Variants in UNC80 observed in about 807,000 individuals in gnomAD.
UNC80 encodes protein unc-80 homolog.
A neutral mutation model predicts 384.6 loss-of-function variants in UNC80; 164 were observed. The observed-to-expected ratio is 0.43, with a 90% CI of 0.38 to 0.49. UNC80 has a LOEUF of 0.49. UNC80 is among the 20% of genes least tolerant of loss of function. The pLI, the probability that UNC80 is intolerant of heterozygous loss-of-function variation, is 0.00. For synonymous variants in UNC80, 1,486 were observed against 1,527.8 expected, an observed-to-expected ratio of 0.97 and a Z score of 0.64; for missense variants, 3,330 against 4,143.0, an observed-to-expected ratio of 0.80 and a Z score of 5.39.
Position 209,976,154 on chromosome 2 carries a change from C to G in UNC80, c.8623C>G (p.Leu2875Val). 1 of 1,551,602 alleles carries G rather than the reference C, an allele frequency of 6.4e-7. No homozygotes were observed. Among genetic ancestry groups the G allele is most frequent in the Non-Finnish European group, 8.7e-7 (1 of 1,146,968 alleles). ...KVILVCFERQ[L>V]GSQWYWLSLQ... ...GATTCTCGTCTGCTTTGAGAGGCAG[C>G]TCGGAAGCCAGTGGTACTGGCTGAG... The change falls in exon 57 of 65, where the codon CTC becomes GTC. Residue 2875 changes from leucine (L) to valine (V), a missense_variant. Leu to Val is a conservative substitution (Grantham distance 32, BLOSUM62 1). Around this residue, in one of 8 missense-constraint regions of UNC80, gnomAD observed 1,049 missense variants for 1,488.6 expected, o/e 0.70. Coordinates refer to ENST00000673920, the MANE Select transcript of UNC80 (RefSeq NM_001371986.1). This position sits in a 1 kb window ranked among gnomAD's most constrained non-coding sequence, Gnocchi z 4.3.
At chr2:209,797,248 A>G (rs1206631933) in intron 7 of UNC80, among the ~76,000 whole-genome samples, 1 of 152,106 alleles carries the variant, frequency 6.6e-6, no homozygotes, top group African/African-American at 2.4e-5. Context: ...CAGAACATGC[A>G]GGTTTGTTAC....
intron 35 of UNC80, 86 bp downstream of exon 35, chr2:209,922,469 C>A: frequency 9.2e-6 from 12 of 1,307,132 alleles, no homozygotes; most frequent in Middle Eastern, 2.1e-4. Flanking sequence ...CACTTGATTA[C>A]ATTGTCTTCA....
Position 209,772,065 on chromosome 2 carries a change from C to T in UNC80, c.-8C>T, listed in dbSNP as rs1330521427. On this transcript the variant is annotated 5_prime_UTR_variant, in exon 1 of 65. Coordinates refer to ENST00000673920, the MANE Select transcript of UNC80 (RefSeq NM_001371986.1). The stretch of plus-strand genomic sequence containing the variant: ...GGTCCTGCAGTAGGACTCCCGGGAG[C>T]CACCATTATGGTGAAGAGGAAGAGC... 5 of 1,547,184 alleles carry T rather than the reference C, an allele frequency of 3.2e-6. No homozygotes were observed. Among genetic ancestry groups the T allele is most frequent in the Non-Finnish European group, 4.4e-6 (5 of 1,144,304 alleles).
chr2:209,791,597 G>A (rs575071046), intron 6 of UNC80, among the ~76,000 whole-genome samples: 1 of 151,968 alleles, frequency 6.6e-6, no homozygotes, highest in Non-Finnish European at 1.5e-5. Flanking sequence ...GAGGCGGGCA[G>A]ATCACAAGGT....
rs779499410 is a variant in UNC80, at chr2:209,813,705, A to G, written c.1064A>G (p.Tyr355Cys). 8.4e-6 allele frequency: 13 copies of G among 1,551,566 alleles called. 1 individual carries two copies. The highest frequency in any genetic ancestry group is 2.7e-5 in the African/African-American group (2 of 72,988). The change falls in exon 8 of 65, where the codon TAT (tyrosine) becomes TGT (cysteine). Residue 355 changes from tyrosine (Y) to cysteine (C), a missense_variant. By Grantham distance (194) the Tyr-to-Cys change is radical. Around this residue, in one of 8 missense-constraint regions of UNC80, gnomAD observed 937 missense variants for 1,026.8 expected, o/e 0.91. Transcript: ENST00000673920. The part of the protein sequence containing the change: ...EEGTQWSLMY[Y>C]LQRLRHMLEE... ...GGCACTCAGTGGTCTCTGATGTACT[A>G]TCTACAAAGGCTGCGACACATGTTG... is the stretch of plus-strand genomic sequence containing the variant.
chr2:209,963,528 A>C (rs1267119843), intron 51 of UNC80, among the ~76,000 whole-genome samples: 1 of 152,262 alleles, frequency 6.6e-6, no homozygotes, highest in Non-Finnish European at 1.5e-5. Flanking sequence ...CAAAATAGAC[A>C]GATTGATTAT....
chr2:209,961,794 C>T (rs1444742120), intron 51 of UNC80, among the ~76,000 whole-genome samples: 1 of 152,132 alleles, frequency 6.6e-6, no homozygotes, highest in African/African-American at 2.4e-5. Flanking sequence ...CCCCTTCACT[C>T]TCTGAAGGTT....
chr2:209,926,823 G>A lies in UNC80; in HGVS notation c.5663-20G>A. On this transcript the variant is annotated intron_variant, in intron 35 of 64. Coordinates refer to ENST00000673920, the MANE Select transcript of UNC80 (RefSeq NM_001371986.1). The stretch of plus-strand genomic sequence containing the variant: ...ATTACGTTACTGAGAAAAGCACCCT[G>A]ATTTTGTCTCCCATTTTAGATGAGG... 5.8e-6 allele frequency: 9 copies of A among 1,551,712 alleles called. No homozygotes were observed. The highest frequency in any genetic ancestry group is 7.8e-6 in the Non-Finnish European group (9 of 1,146,830).
In UNC80 at chr2:209,933,890, G is replaced by A. The variant is rs756804958; in HGVS notation, c.6063G>A (p.Leu2021=). 2.6e-6 allele frequency: 4 copies of A among 1,551,400 alleles called. No homozygotes were observed. The highest frequency in any genetic ancestry group is 3.5e-6 in the Non-Finnish European group (4 of 1,146,846). The change falls in exon 39 of 65, where the codon CTG becomes CTA. Residue 2021 remains leucine, a synonymous_variant. Coordinates refer to ENST00000673920, the MANE Select transcript of UNC80 (RefSeq NM_001371986.1). ...EWGMDAISAT[L]TFLWEVVGYV... is the part of the protein sequence containing the mutation. ...GGATGGATGCCATTTCAGCCACCCTGACATTCCTGTGGGAGGTGGTGGGTT... is the reference window on the plus strand; with the variant it reads ...GGATGGATGCCATTTCAGCCACCCTAACATTCCTGTGGGAGGTGGTGGGTT...
At chr2:209,840,499 T>C in intron 19 of UNC80, 43 bp from the exon 20 acceptor site, 1 of 1,483,122 alleles carries the variant, frequency 6.7e-7, no homozygotes, top group Non-Finnish European at 9.2e-7. Flanking sequence ...ATTGATTGGA[T>C]AGAAAATGCT....
intron 21 of UNC80, chr2:209,845,113 T>G (rs1353715089): frequency 6.8e-6 from 1 of 147,360 alleles, no homozygotes; most frequent in Non-Finnish European, 1.5e-5. Context: ...GGAGGAGACA[T>G]AAGGTCTCTC....
intron 43 of UNC80, 43 bp downstream of exon 43, chr2:209,939,695 C>T: frequency 4.8e-6 from 7 of 1,470,620 alleles, no homozygotes; most frequent in Non-Finnish European, 4.5e-6. Context: ...CTTTTTCTAA[C>T]ACACTTGTTG....
At chr2:209,942,137 C>G (rs968141702) in intron 44 of UNC80, among the ~76,000 whole-genome samples, 1 of 152,068 alleles carries the variant, frequency 6.6e-6, no homozygotes, top group Non-Finnish European at 1.5e-5. Flanking sequence ...GAGCTGGAAC[C>G]CTATTGTGAA....
At chr2:209,930,752 A>G (rs1197714747) in intron 37 of UNC80, among the ~76,000 whole-genome samples, 1 of 152,198 alleles carries the variant, frequency 6.6e-6, no homozygotes, top group Non-Finnish European at 1.5e-5. Flanking sequence ...AGTGATTTTT[A>G]TGTGTTAGCT....
At chr2:209,802,708 TC>T (rs11301894) in intron 7 of UNC80, among the ~76,000 whole-genome samples, 80,545 of 151,914 alleles carry the variant, frequency 0.53, 22,260 homozygotes, top group Admixed American at 0.61. Flanking sequence ...ACATTTATTA[TC>T]TTTCGATTTT....
intron 6 of UNC80, among the ~76,000 whole-genome samples, chr2:209,791,379 T>C (rs370467002): frequency 2.0e-5 from 3 of 152,200 alleles, no homozygotes; most frequent in Admixed American, 2.0e-4. Flanking sequence ...CTGTTTTTTT[T>C]GTGCCTCCCA....
intron 7 of UNC80, among the ~76,000 whole-genome samples, chr2:209,802,225 G>T (rs2153826374): frequency 6.6e-6 from 1 of 152,262 alleles, no homozygotes; most frequent in Non-Finnish European, 1.5e-5. Context: ...AGGAGCTTTA[G>T]TGATCTGTTG....
chr2:209,790,110 C>T (rs555070298), intron 6 of UNC80, among the ~76,000 whole-genome samples: 5 of 151,880 alleles, frequency 3.3e-5, no homozygotes, highest in South Asian at 4.2e-4. Flanking sequence ...CCACATAAAA[C>T]GGAAGATGCA....
At chr2:209,965,174 A>G (rs1243163043) in intron 51 of UNC80, among the ~76,000 whole-genome samples, 3 of 151,900 alleles carry the variant, frequency 2.0e-5, no homozygotes, top group Non-Finnish European at 4.4e-5. Context: ...AGTGGCTCAC[A>G]CCTGTAATCC....
Sources: gnomAD v4.1 joint callset for allele counts (sites outside exome capture counted in the v4.1 genomes callset) on GRCh38, gnomAD v4.1.1 for gene constraint, gnomAD v4.1.1 regional missense constraint, Gnocchi (gnomAD v3.1) non-coding constraint, MANE v1.5 for transcripts, NCBI Gene and HGNC (gene_info 2026-07-23, HGNC 2026-07-21) for gene names.